The following SDHAF3 variants were observed in gnomAD, a reference collection of about 807,000 sequenced individuals.
SDHAF3 encodes the protein succinate dehydrogenase complex assembly factor 3.
In SDHAF3, 18 loss-of-function variants were observed where a neutral mutation model predicts 11.5. The ratio of observed to expected loss-of-function variants is 1.56; its 90% CI spans 1.08 to 2.32. SDHAF3 has a LOEUF of 2.32. Among genes scored for constraint, SDHAF3 ranks in the 30% most tolerant of loss-of-function variants. The pLI, the probability that SDHAF3 is intolerant of heterozygous loss-of-function variation, is 0.00. For synonymous variants in SDHAF3, 72 were observed against 59.3 expected (o/e 1.21, Z -0.99); for missense variants, 200 against 154.4 (o/e 1.30, Z -1.57).
At chr7:97,145,346 A>G (rs1275905509) in intron 1 of SDHAF3, among the ~76,000 whole-genome samples, 2 of 152,156 alleles carry the variant, frequency 1.3e-5, no homozygotes, top group Non-Finnish European at 2.9e-5. Flanking sequence ...TGACTAGTAC[A>G]TTTCATATTT....
intron 1 of SDHAF3, among the ~76,000 whole-genome samples, chr7:97,149,888 A>AT (rs957118735): frequency 2.0e-5 from 3 of 152,112 alleles, no homozygotes; most frequent in Non-Finnish European, 4.4e-5. Context: ...CACAGTAGTC[A>AT]TTTTTTTCAA....
intron 1 of SDHAF3, among the ~76,000 whole-genome samples, chr7:97,147,162 A>G (rs1789148587): frequency 6.6e-6 from 1 of 152,210 alleles, no homozygotes; most frequent in South Asian, 2.1e-4. Flanking sequence ...CCAAATTCAC[A>G]TGCTTCAAAA....
intron 1 of SDHAF3, among the ~76,000 whole-genome samples, chr7:97,144,919 G>C (rs1037165014): frequency 6.6e-6 from 1 of 152,156 alleles, no homozygotes; most frequent in African/African-American, 2.4e-5. Context: ...TCACAATATT[G>C]ATGTTACCCA....
At position 97,117,939 on chromosome 7, in the gene SDHAF3, T is replaced by G. The variant is rs372123368; in HGVS notation, c.174+42T>G. On this transcript the variant is annotated intron_variant, in intron 1 of 1. Coordinates refer to ENST00000432641, the MANE Select transcript of SDHAF3 (RefSeq NM_020186.3). Reference sequence around the variant, plus strand: ...TCTCTTTGCCCAAGACCTTTGGGGTTCCTCGGTGTCCAGGTTTCTAGTTCC... The same window carrying G: ...TCTCTTTGCCCAAGACCTTTGGGGTGCCTCGGTGTCCAGGTTTCTAGTTCC... The G allele has an allele frequency of 1.5e-4, 238 of 1,599,734 alleles. 10 individuals are homozygous for G. The highest frequency in any genetic ancestry group is 2.5e-4 in the Admixed American group (15 of 58,854).
At chr7:97,119,699 T>C (rs1791462023) in intron 1 of SDHAF3, among the ~76,000 whole-genome samples, 1 of 152,190 alleles carries the variant, frequency 6.6e-6, no homozygotes, top group Non-Finnish European at 1.5e-5. Context: ...ATGCATTTAG[T>C]TATTCTTTTT....
chr7:97,137,574 C>G (rs1017022287), intron 1 of SDHAF3, among the ~76,000 whole-genome samples: 2 of 152,174 alleles, frequency 1.3e-5, no homozygotes, highest in Non-Finnish European at 2.9e-5. Flanking sequence ...CAGTTGTTTA[C>G]TCAGTTATTC....
At chr7:97,119,698 G>C (rs183793307) in intron 1 of SDHAF3, among the ~76,000 whole-genome samples, 1 of 152,136 alleles carries the variant, frequency 6.6e-6, no homozygotes, top group Admixed American at 6.5e-5. Context: ...AATGCATTTA[G>C]TTATTCTTTT....
At chr7:97,178,083 C>T (rs1789711810) in intron 1 of SDHAF3, among the ~76,000 whole-genome samples, 1 of 152,134 alleles carries the variant, frequency 6.6e-6, no homozygotes, top group Admixed American at 6.5e-5. Context: ...TCCTCCCAGC[C>T]CTTAGTATTA....
chr7:97,161,901 C>T (rs767337362), intron 1 of SDHAF3, among the ~76,000 whole-genome samples: 42 of 152,138 alleles, frequency 2.8e-4, no homozygotes, highest in Non-Finnish European at 4.6e-4. Context: ...CATACATGTG[C>T]ATGTGTCTTT....
chr7:97,172,745 A>T (rs991257074), intron 1 of SDHAF3, among the ~76,000 whole-genome samples: 1 of 152,204 alleles, frequency 6.6e-6, no homozygotes, highest in African/African-American at 2.4e-5. Flanking sequence ...TTGATGAGGA[A>T]ATTACTGTGA....
At chr7:97,176,823 T>C (rs914118043) in intron 1 of SDHAF3, among the ~76,000 whole-genome samples, 2 of 152,184 alleles carry the variant, frequency 1.3e-5, no homozygotes, top group Non-Finnish European at 2.9e-5. Flanking sequence ...CACAAAGTTA[T>C]GAAAATTTTC....
chr7:97,122,495 G>A (rs2115614712), intron 1 of SDHAF3, among the ~76,000 whole-genome samples: 1 of 151,550 alleles, frequency 6.6e-6, no homozygotes, highest in South Asian at 2.1e-4. Flanking sequence ...GGAGGATATA[G>A]ATTTATGAGG....
chr7:97,161,342 A>G (rs1167878946), intron 1 of SDHAF3, among the ~76,000 whole-genome samples: 8 of 150,712 alleles, frequency 5.3e-5, no homozygotes, highest in Non-Finnish European at 1.2e-4. Flanking sequence ...AAGCATCTAT[A>G]TAGTCTATGG....
intron 1 of SDHAF3, among the ~76,000 whole-genome samples, chr7:97,175,585 C>T (rs1046339112): frequency 6.6e-6 from 1 of 152,058 alleles, no homozygotes; most frequent in African/African-American, 2.4e-5. Context: ...CCAGTGTGCT[C>T]GACCATACCA....
chr7:97,169,308 C>A lies in SDHAF3; in HGVS notation c.175-11704C>A, dbSNP rs867013078. Reference sequence around the variant, plus strand: ...CTGGGCAACAAGAGCGAAACTGTCTCAAAAAAAAAGTATTAATATCATGAT... The same window carrying A: ...CTGGGCAACAAGAGCGAAACTGTCTAAAAAAAAAAGTATTAATATCATGAT... On this transcript the variant is annotated intron_variant, in intron 1 of 1. Transcript: ENST00000432641. Among the ~76,000 whole-genome samples, 15 of 150,806 alleles carry A rather than the reference C, an allele frequency of 9.9e-5. No individual in the cohort carries two copies. The South Asian group carries it at 2.1e-3, about 21-fold the overall frequency.
At chr7:97,152,901 C>T (rs929922779) in intron 1 of SDHAF3, among the ~76,000 whole-genome samples, 9 of 152,064 alleles carry the variant, frequency 5.9e-5, no homozygotes, top group East Asian at 1.9e-4. Flanking sequence ...AATGGTCTCC[C>T]GCCATGCCCG....
intron 1 of SDHAF3, among the ~76,000 whole-genome samples, chr7:97,138,366 T>C (rs1788965810): frequency 6.6e-6 from 1 of 151,702 alleles, no homozygotes; most frequent in African/African-American, 2.4e-5. Flanking sequence ...TTTCACCACG[T>C]TGGCCAGGCT....
intron 1 of SDHAF3, among the ~76,000 whole-genome samples, chr7:97,159,543 A>C (rs987476912): frequency 3.3e-5 from 5 of 152,182 alleles, no homozygotes; most frequent in African/African-American, 1.2e-4. Flanking sequence ...AGCAAGAGAA[A>C]GGCAGTCCCT....
chr7:97,137,147 C>T (rs1204663824), intron 1 of SDHAF3, among the ~76,000 whole-genome samples: 3 of 152,086 alleles, frequency 2.0e-5, no homozygotes, highest in Non-Finnish European at 4.4e-5. Flanking sequence ...TTGTCCACAT[C>T]TCTCACATCC....
Sources: allele counts gnomAD v4.1 joint callset (sites outside exome capture counted in the v4.1 genomes callset), GRCh38; gene constraint gnomAD v4.1.1; transcripts MANE v1.5; gene names NCBI Gene and HGNC (gene_info 2026-07-23, HGNC 2026-07-21).